The following POLA1 variants were observed in gnomAD, a reference collection of about 807,000 sequenced individuals.
POLA1 encodes DNA polymerase alpha catalytic subunit.
A neutral mutation model predicts 124.0 loss-of-function variants in POLA1; 15 were observed. The ratio of observed to expected loss-of-function variants is 0.12; its 90% CI spans 0.08 to 0.19. POLA1 has a LOEUF of 0.19. POLA1 is among the 10% of genes least tolerant of loss of function. POLA1 has a pLI of 1.00. For missense variants in POLA1, 886 were observed against 1,103.4 expected, an observed-to-expected ratio of 0.80 and a Z score of 2.79; for synonymous variants, 408 against 389.4, an observed-to-expected ratio of 1.05 and a Z score of -0.56.
At chrX:24,907,202 A>T (rs766234843) in intron 35 of POLA1, among the ~76,000 whole-genome samples, 1 of 110,812 alleles carries the variant, frequency 9.0e-6, no homozygotes, top group African/African-American at 3.3e-5. Flanking sequence ...AAGAGAATAA[A>T]AGAAATTATC....
intron 35 of POLA1, among the ~76,000 whole-genome samples, chrX:24,901,384 G>C (rs1397353336): frequency 1.8e-5 from 2 of 111,159 alleles, no homozygotes; most frequent in South Asian, 7.7e-4. Flanking sequence ...AGATAGGAGG[G>C]TGCTTGGCAT....
chrX:24,779,521 G>T (rs982779757), intron 26 of POLA1, among the ~76,000 whole-genome samples: 6 of 111,962 alleles, frequency 5.4e-5, no homozygotes, highest in African/African-American at 2.0e-4. Flanking sequence ...TACAATAATA[G>T]AATTTAAGAA....
At chrX:24,824,502 TCTCA>T (rs1569327403) in intron 31 of POLA1, among the ~76,000 whole-genome samples, 1 of 86,740 alleles carries the variant, frequency 1.2e-5, no homozygotes, top group Non-Finnish European at 2.2e-5. Flanking sequence ...AAAATGGGGG[TCTCA>T]CTGTGTCACC....
chrX:24,995,480 C>T (rs768512708), intron 36 of POLA1, among the ~76,000 whole-genome samples: 10 of 111,827 alleles, frequency 8.9e-5, no homozygotes, highest in Admixed American at 3.8e-4. Context: ...GTGCTCGCAG[C>T]GCCGGTGAAA....
At chrX:24,755,375 C>A (rs758348544) in intron 26 of POLA1, among the ~76,000 whole-genome samples, 2 of 112,086 alleles carry the variant, frequency 1.8e-5, no homozygotes, top group African/African-American at 6.5e-5. Context: ...CACTTATTAT[C>A]TGAGTTTTTA....
chrX:24,753,971 A>C (rs1341684099), intron 26 of POLA1, among the ~76,000 whole-genome samples: 1 of 111,364 alleles, frequency 9.0e-6, no homozygotes, highest in African/African-American at 3.3e-5. Flanking sequence ...GTTGTGTTGG[A>C]GCTGGAATTT....
At chrX:24,896,889 C>G (rs183377724) in intron 35 of POLA1, among the ~76,000 whole-genome samples, 2 of 112,151 alleles carry the variant, frequency 1.8e-5, no homozygotes, top group African/African-American at 3.2e-5. Context: ...ATTCGTAAGA[C>G]GAGAGACTGG....
At chrX:24,822,384 TTAAG>T (rs1160603909) in intron 31 of POLA1, among the ~76,000 whole-genome samples, 1 of 112,646 alleles carries the variant, frequency 8.9e-6, no homozygotes, top group Non-Finnish European at 1.9e-5. Context: ...TTTAAAGAAA[TTAAG>T]TTTTATCCTA....
intron 26 of POLA1, among the ~76,000 whole-genome samples, chrX:24,798,415 T>C (rs2045649263): frequency 9.0e-6 from 1 of 111,312 alleles, no homozygotes; most frequent in African/African-American, 3.3e-5. Context: ...TCCTCAGCCC[T>C]ACTCAACATG....
chrX:24,755,799 G>A (rs1932572045), intron 26 of POLA1, among the ~76,000 whole-genome samples: 1 of 111,951 alleles, frequency 8.9e-6, no homozygotes, highest in South Asian at 3.7e-4. Flanking sequence ...GCAAGGTTTG[G>A]ATTTTCTTAT....
At chrX:24,986,672 A>G in intron 36 of POLA1, among the ~76,000 whole-genome samples, 1 of 107,414 alleles carries the variant, frequency 9.3e-6, no homozygotes. Flanking sequence ...ATTGGAGCCC[A>G]GGAGTATGAT....
At chrX:24,935,507 A>G (rs1601887188) in intron 36 of POLA1, among the ~76,000 whole-genome samples, 2 of 112,810 alleles carry the variant, frequency 1.8e-5, no homozygotes, top group African/African-American at 6.4e-5. Context: ...GTTTCTCACA[A>G]AGTGCTATGG....
chrX:24,924,596 C>T (rs2047664077), intron 35 of POLA1, among the ~76,000 whole-genome samples: 1 of 111,786 alleles, frequency 8.9e-6, no homozygotes, highest in South Asian at 3.8e-4. Flanking sequence ...AGCTGTAGGT[C>T]AGAGGGTGTA....
chrX:24,801,097 T>C (rs1182878732), intron 26 of POLA1, among the ~76,000 whole-genome samples: 1 of 112,365 alleles, frequency 8.9e-6, no homozygotes, highest in Non-Finnish European at 1.9e-5. Flanking sequence ...GAGGTACACT[T>C]ATAGTCAAGT....
chrX:24,841,073 C>T (rs1316453797), intron 32 of POLA1, among the ~76,000 whole-genome samples: 2 of 111,926 alleles, frequency 1.8e-5, no homozygotes, highest in African/African-American at 6.5e-5. Context: ...ATTGTTTTTG[C>T]ACATATTTTA....
At chrX:24,907,637 C>T (rs964402535) in intron 35 of POLA1, among the ~76,000 whole-genome samples, 1 of 111,786 alleles carries the variant, frequency 8.9e-6, no homozygotes, top group African/African-American at 3.3e-5. Context: ...GCAAAAAATA[C>T]TCTTCAGGAG....
chrX:24,711,103 G>A (rs373119934), intron 4 of POLA1, among the ~76,000 whole-genome samples: 22 of 111,272 alleles, frequency 2.0e-4, no homozygotes, highest in East Asian at 1.7e-3. Context: ...CCACCTCAGT[G>A]TCCCGAGTAG....
At position 24,732,294 on chromosome X, in the gene POLA1, T is replaced by C. The variant is rs1364348407; in HGVS notation, c.1687-76T>C. On this transcript the variant is annotated intron_variant, in intron 15 of 36. Transcript: ENST00000379068. ...TGTTTAAATGTGTATCTTTAAATAT[T>C]CTTGGTGATTTTGGTGAGAATGCAG... 1.2e-5 allele frequency: 8 copies of C among 666,947 alleles called. No homozygotes were observed. The Admixed American group carries it at 1.9e-4, about 16-fold the overall frequency. 55.0% of individuals were successfully genotyped at this position (666,947 alleles called of 1,213,427 possible).
Position 24,996,040 on chromosome X carries a change from T to C in POLA1, c.*90T>C. The C allele has an allele frequency of 1.2e-6, 1 of 833,661 alleles. No individual in the cohort carries two copies. The highest frequency in any genetic ancestry group is 2.5e-5 in the South Asian group (1 of 40,181). The allele number at this position is 833,661 out of a possible 1,213,427, so 68.7% of individuals were successfully genotyped here. ...TCTGGCCCTAAATGCTCCTCCAGCA[T>C]CTGTTTCTCCCTTGGGACTGTGTCT... On this transcript the variant is annotated 3_prime_UTR_variant, in exon 37 of 37. Transcript: ENST00000379068.
Sources: gnomAD v4.1 joint callset for allele counts (sites outside exome capture counted in the v4.1 genomes callset) on GRCh38, gnomAD v4.1.1 for gene constraint, MANE v1.5 for transcripts, NCBI Gene and HGNC (gene_info 2026-07-23, HGNC 2026-07-21) for gene names.